Variants in ELOVL6 observed in about 807,000 individuals in gnomAD.
The protein encoded by ELOVL6 is ELOVL fatty acid elongase 6.
A neutral mutation model predicts 31.7 loss-of-function variants in ELOVL6; 8 were observed. The ratio of observed to expected loss-of-function variants is 0.25; its 90% CI spans 0.15 to 0.45. The LOEUF (loss-of-function observed/expected upper bound fraction) is 0.45. Among genes scored for constraint, ELOVL6 ranks in the 20% least tolerant of loss-of-function variants. The pLI is 1.00. For missense variants in ELOVL6, 126 were observed against 326.4 expected, an observed-to-expected ratio of 0.39 and a Z score of 4.73; for synonymous variants, 101 against 117.7, an observed-to-expected ratio of 0.86 and a Z score of 0.92.
At chr4:110,086,473 A>C (rs1756267045) in intron 2 of ELOVL6, among the ~76,000 whole-genome samples, 1 of 152,224 alleles carries the variant, frequency 6.6e-6, no homozygotes, top group South Asian at 2.1e-4. Context: ...CTAGTGTTCC[A>C]ACTTGTTTCG....
At chr4:110,082,599 TG>T in intron 2 of ELOVL6, among the ~76,000 whole-genome samples, 1 of 150,040 alleles carries the variant, frequency 6.7e-6, no homozygotes, top group Non-Finnish European at 1.5e-5. Context: ...TGTTGTGGGG[TG>T]GGGGTAGGGA....
At chr4:110,068,972 TCTCTAC>T in intron 2 of ELOVL6, among the ~76,000 whole-genome samples, 1 of 151,980 alleles carries the variant, frequency 6.6e-6, no homozygotes, top group Non-Finnish European at 1.5e-5. Flanking sequence ...GCGAAACCTG[TCTCTAC>T]TAAAAACACA....
chr4:110,190,764 C>CA (rs1313424353), intron 1 of ELOVL6, among the ~76,000 whole-genome samples: 1 of 151,042 alleles, frequency 6.6e-6, no homozygotes, highest in Non-Finnish European at 1.5e-5. Context: ...CTCAGCCTCC[C>CA]ACAGCGCTGG....
chr4:110,105,553 T>C lies in ELOVL6; in HGVS notation c.165A>G (p.Ala55=). The C allele has an allele frequency of 1.2e-6, 2 of 1,613,854 alleles. No individual in the cohort carries two copies. Among genetic ancestry groups the C allele is most frequent in the South Asian group, 1.1e-5 (1 of 91,078 alleles). Residue 55 remains alanine, a synonymous_variant, in exon 2 of 4, where the codon GCA becomes GCG. Transcript: ENST00000302274. Reference sequence around the variant, plus strand: ...CTAATGGCTTCCTCAGTTCAAACTTTGCTCGTTTATTCATTAGGTGCCGAC... The same window carrying C: ...CTAATGGCTTCCTCAGTTCAAACTTCGCTCGTTTATTCATTAGGTGCCGAC... ...FGGRHLMNKR[A]KFELRKPLVL...
intron 1 of ELOVL6, among the ~76,000 whole-genome samples, chr4:110,114,908 C>T (rs1446916678): frequency 6.6e-6 from 1 of 152,086 alleles, no homozygotes; most frequent in African/African-American, 2.4e-5. Flanking sequence ...TATAAACAAG[C>T]ATAAACATAT....
At chr4:110,115,868 T>C (rs1757155502) in intron 1 of ELOVL6, among the ~76,000 whole-genome samples, 1 of 152,226 alleles carries the variant, frequency 6.6e-6, no homozygotes, top group African/African-American at 2.4e-5. Context: ...CTGAAGGCTC[T>C]ATGGCAGAAT....
chr4:110,119,304 GAAAGA>G (rs1757275532), intron 1 of ELOVL6, among the ~76,000 whole-genome samples: 1 of 149,776 alleles, frequency 6.7e-6, no homozygotes, highest in Middle Eastern at 3.2e-3. Flanking sequence ...TCAAAAGAAA[GAAAGA>G]AAAAAAAAGG....
intron 3 of ELOVL6, among the ~76,000 whole-genome samples, chr4:110,058,729 GC>G (rs1167636799): frequency 6.6e-6 from 1 of 152,078 alleles, no homozygotes; most frequent in Non-Finnish European, 1.5e-5. Flanking sequence ...GGCAAAAATT[GC>G]AATTGATATC....
At chr4:110,121,685 C>A (rs554867467) in intron 1 of ELOVL6, among the ~76,000 whole-genome samples, 1 of 152,032 alleles carries the variant, frequency 6.6e-6, no homozygotes, top group Non-Finnish European at 1.5e-5. Context: ...GGCGACAGAT[C>A]GAGACTCTGT....
chr4:110,120,798 C>CTTTTTTTTTTTTT (rs1008949209), intron 1 of ELOVL6, among the ~76,000 whole-genome samples: 1 of 117,872 alleles, frequency 8.5e-6, no homozygotes, highest in African/African-American at 3.0e-5. Context: ...TTTTTCTTTT[C>CTTTTTTTTTTTTT]TTTTTTTTTT....
chr4:110,051,820 T>G lies in ELOVL6; in HGVS notation c.374-58A>C, dbSNP rs529502234. On this transcript the variant is annotated intron_variant, in intron 3 of 3. Transcript: ENST00000302274. This position sits in a 1 kb window ranked among gnomAD's most constrained non-coding sequence, Gnocchi z 4.8. The stretch of plus-strand genomic sequence containing the variant: ...TCCTTGACCACCAGTAACGATGACT[T>G]ACAGTTTTGTAAGAGGGTAGACATC... 6.9e-7 allele frequency: 1 copy of G among 1,448,896 alleles called. No homozygotes were observed. The highest frequency in any genetic ancestry group is 2.3e-5 in the East Asian group (1 of 42,698). 89.8% of individuals were successfully genotyped at this position (1,448,896 alleles called of 1,614,324 possible). A position where few individuals can be genotyped will look rare whatever the true frequency, so the allele number is the denominator to read the frequency against.
intron 1 of ELOVL6, among the ~76,000 whole-genome samples, chr4:110,176,224 G>A (rs1309347013): frequency 6.6e-6 from 1 of 151,940 alleles, no homozygotes; most frequent in Admixed American, 6.6e-5. Context: ...ATGCAGTGGC[G>A]TGATCTTGGC....
At position 110,117,668 on chromosome 4, in the gene ELOVL6, G is replaced by C. The variant is rs1303679633; in HGVS notation, c.90-12040C>G. On this transcript the variant is annotated intron_variant, in intron 1 of 3. Coordinates refer to ENST00000302274, the MANE Select transcript of ELOVL6 (RefSeq NM_024090.3). ...TGCATTTAAAATGGGTGGATCACGA[G>C]GTCAGGAGATCGAGAACATCCTGGC... 3 of 150,530 alleles carry C rather than the reference G, an allele frequency of 2.0e-5. No individual in the cohort carries two copies. In the East Asian group the frequency reaches 6.0e-4, roughly 30 times the overall value. 9.3% of individuals were successfully genotyped at this position (150,530 alleles called of 1,614,324 possible). A position where few individuals can be genotyped will look rare whatever the true frequency, so the allele number is the denominator to read the frequency against.
chr4:110,114,132 C>T (rs1036502961), intron 1 of ELOVL6, among the ~76,000 whole-genome samples: 6 of 152,114 alleles, frequency 3.9e-5, no homozygotes, highest in African/African-American at 1.4e-4. Context: ...AAAAACTGTA[C>T]TATAATTCTG....
chr4:110,105,716 GA>G, intron 1 of ELOVL6, 88 bp from the exon 2 acceptor site: 1 of 1,236,768 alleles, frequency 8.1e-7, no homozygotes, highest in African/African-American at 1.5e-5. Context: ...TGTAAGCACT[GA>G]AAAAATATTC....
At chr4:110,133,404 G>A (rs1280730217) in intron 1 of ELOVL6, among the ~76,000 whole-genome samples, 5 of 152,286 alleles carry the variant, frequency 3.3e-5, no homozygotes, top group Admixed American at 6.5e-5. Context: ...AAAGCATAGC[G>A]AAAGCATGTT....
chr4:110,110,819 C>T (rs1209204362), intron 1 of ELOVL6, among the ~76,000 whole-genome samples: 1 of 152,128 alleles, frequency 6.6e-6, no homozygotes, highest in Admixed American at 6.5e-5. Context: ...AATTGCAAGA[C>T]AAAGCCATAA....
At chr4:110,060,059 C>A in intron 2 of ELOVL6, 1 of 226,998 alleles carries the variant, frequency 4.4e-6, no homozygotes, top group Non-Finnish European at 8.5e-6. Context: ...CTTTGAGTTT[C>A]AGCTTGGGAA....
In ELOVL6 at chr4:110,089,799, C is replaced by T. The variant is rs188955372; in HGVS notation, c.221+15698G>A. On this transcript the variant is annotated intron_variant, in intron 2 of 3. Transcript: ENST00000302274. Reference sequence around the variant, plus strand: ...CTATTTAAGAGAGGCAGTGCTCCAACGGAAAGACCTCAGGGCTGCATAATC... The same window carrying T: ...CTATTTAAGAGAGGCAGTGCTCCAATGGAAAGACCTCAGGGCTGCATAATC... Among the ~76,000 whole-genome samples the T allele has an allele frequency of 3.2e-3, 482 of 152,146 alleles. 5 individuals carry two copies. Among genetic ancestry groups the T allele is most frequent in the Non-Finnish European group, 6.0e-3 (406 of 68,014 alleles).
Sources: gnomAD v4.1 joint callset for allele counts (sites outside exome capture counted in the v4.1 genomes callset) on GRCh38, gnomAD v4.1.1 for gene constraint, Gnocchi (gnomAD v3.1) non-coding constraint, MANE v1.5 for transcripts, NCBI Gene and HGNC (gene_info 2026-07-23, HGNC 2026-07-21) for gene names.